C12orf56: variants seen among roughly 807,000 people sequenced by gnomAD.
The protein encoded by C12orf56 is chromosome 12 open reading frame 56, also known as uncharacterized protein C12orf56.
Under a neutral mutation model 69.9 loss-of-function variants are expected in C12orf56, and 71 were observed. That is an observed-to-expected ratio of 1.02 (90% confidence interval 0.84 to 1.24). The LOEUF is 1.24. Among genes scored for constraint, C12orf56 ranks in the 50% most tolerant of loss-of-function variants. The pLI, the probability that C12orf56 is intolerant of heterozygous loss-of-function variation, is 0.00. For missense variants in C12orf56, 732 were observed against 738.5 expected (o/e 0.99, Z 0.10); for synonymous variants, 276 against 274.1 (o/e 1.01, Z -0.07).
At chr12:64,329,661 T>A (rs1490171057) in intron 3 of C12orf56, among the ~76,000 whole-genome samples, 4 of 135,972 alleles carry the variant, frequency 2.9e-5, no homozygotes, top group African/African-American at 1.1e-4. Flanking sequence ...TATCTCCCAA[T>A]GCTATCCCTC....
chr12:64,322,207 C>G (rs1326539163), intron 3 of C12orf56, among the ~76,000 whole-genome samples: 2 of 151,646 alleles, frequency 1.3e-5, no homozygotes, highest in African/African-American at 2.4e-5. Context: ...AATACTAGAT[C>G]TTTTTATACT....
rs1435926472 is a variant in C12orf56 at position 64,301,618 on chromosome 12, T to C, written c.1113+2017A>G. On this transcript the variant is annotated intron_variant, in intron 6 of 12. Transcript: ENST00000543942. ...TCACTTACGTCTTTAGATGAATGCA[T>C]TTACATGTAGACATATAGCTTAGAA... Among the ~76,000 whole-genome samples, 6 of 152,188 alleles carry C rather than the reference T, an allele frequency of 3.9e-5. No homozygotes were observed. In the East Asian group the frequency reaches 5.8e-4, roughly 15 times the overall value.
intron 7 of C12orf56, 68 bp from the exon 8 acceptor site, chr12:64,284,821 G>T (rs1194383913): frequency 2.4e-6 from 3 of 1,270,330 alleles, no homozygotes; most frequent in Non-Finnish European, 3.2e-6. Flanking sequence ...TTCCACAAAA[G>T]TAGTAATTTT....
intron 7 of C12orf56, among the ~76,000 whole-genome samples, 185 bp from the exon 8 acceptor site, chr12:64,284,938 A>G (rs1387581390): frequency 6.6e-6 from 1 of 152,252 alleles, no homozygotes; most frequent in Non-Finnish European, 1.5e-5. Context: ...GCTACACAGT[A>G]AACACTCAAA....
At chr12:64,343,995 C>T (rs985303508) in intron 2 of C12orf56, among the ~76,000 whole-genome samples, 2 of 152,080 alleles carry the variant, frequency 1.3e-5, no homozygotes, top group Non-Finnish European at 2.9e-5. Context: ...CACTGTAACT[C>T]GAAGCTGAGC....
At chr12:64,361,064 C>T (rs1565774645) in intron 1 of C12orf56, among the ~76,000 whole-genome samples, 1 of 151,926 alleles carries the variant, frequency 6.6e-6, no homozygotes, top group Admixed American at 6.6e-5. Flanking sequence ...ACTAAAAATA[C>T]AAAAATGAGC....
At chr12:64,271,309 A>T (rs1285318590) in intron 11 of C12orf56, among the ~76,000 whole-genome samples, 1 of 152,078 alleles carries the variant, frequency 6.6e-6, no homozygotes, top group Non-Finnish European at 1.5e-5. Flanking sequence ...TACTAAAAAT[A>T]CAAAAATTTG....
chr12:64,273,289 C>G (rs1246573239), intron 11 of C12orf56, among the ~76,000 whole-genome samples: 3 of 145,760 alleles, frequency 2.1e-5, no homozygotes, highest in Non-Finnish European at 4.4e-5. Flanking sequence ...CAGAGCAAGA[C>G]TCTGTCTCAA....
chr12:64,354,623 A>G (rs1565771520), intron 1 of C12orf56, among the ~76,000 whole-genome samples: 2 of 151,606 alleles, frequency 1.3e-5, no homozygotes, highest in Admixed American at 6.6e-5. Context: ...ACGCCTGGCT[A>G]ATTTTTTGTA....
intron 1 of C12orf56, among the ~76,000 whole-genome samples, chr12:64,373,940 A>G (rs989467146): frequency 6.6e-6 from 1 of 152,228 alleles, no homozygotes; most frequent in Non-Finnish European, 1.5e-5. Context: ...ACATAAGCTT[A>G]GTCTTAAGTA....
chr12:64,313,840 C>T (rs1346316844), intron 4 of C12orf56, among the ~76,000 whole-genome samples: 1 of 151,170 alleles, frequency 6.6e-6, no homozygotes, highest in Admixed American at 6.6e-5. Flanking sequence ...GTCAGGAGTT[C>T]GAGACAAGCC....
intron 2 of C12orf56, among the ~76,000 whole-genome samples, chr12:64,339,910 C>A (rs886717305): frequency 1.1e-4 from 17 of 151,836 alleles, no homozygotes; most frequent in African/African-American, 4.1e-4. Flanking sequence ...ATATATAGAG[C>A]CCAATGTGTC....
At chr12:64,352,108 T>G (rs1304484588) in intron 2 of C12orf56, among the ~76,000 whole-genome samples, 12 of 114,092 alleles carry the variant, frequency 1.1e-4, no homozygotes, top group East Asian at 2.8e-4. Flanking sequence ...TGTTTTTTTT[T>G]TTTTTTTGTT....
chr12:64,356,472 C>A (rs553268306), intron 1 of C12orf56, among the ~76,000 whole-genome samples: 12 of 152,160 alleles, frequency 7.9e-5, no homozygotes, highest in African/African-American at 2.4e-4. Flanking sequence ...ATTCCTGATG[C>A]AGGTAGCCCC....
chr12:64,350,136 C>T (rs1205306405), intron 2 of C12orf56, among the ~76,000 whole-genome samples: 2 of 148,218 alleles, frequency 1.3e-5, no homozygotes, highest in Non-Finnish European at 3.0e-5. Context: ...ACTTTGGGAA[C>T]TTAGGGGGAA....
chr12:64,363,654 G>T (rs1296995516), intron 1 of C12orf56, among the ~76,000 whole-genome samples: 1 of 152,202 alleles, frequency 6.6e-6, no homozygotes, highest in African/African-American at 2.4e-5. Flanking sequence ...AATAGCCAGA[G>T]TAGTCACGTA....
chr12:64,293,841 T>C (rs1341744911), intron 6 of C12orf56, among the ~76,000 whole-genome samples: 2 of 152,176 alleles, frequency 1.3e-5, no homozygotes, highest in Admixed American at 1.3e-4. Flanking sequence ...AGCACATCGA[T>C]AGTTGCACAA....
chr12:64,274,144 G>A (rs1315503933), intron 11 of C12orf56, among the ~76,000 whole-genome samples: 1 of 151,040 alleles, frequency 6.6e-6, no homozygotes, highest in African/African-American at 2.4e-5. Context: ...CCTGAGGCCT[G>A]AGGGATGAGT....
chr12:64,375,526 G>A (rs1474850129), intron 1 of C12orf56, among the ~76,000 whole-genome samples: 4 of 152,322 alleles, frequency 2.6e-5, no homozygotes, highest in Non-Finnish European at 4.4e-5. Context: ...AGTGTACAGT[G>A]TAGTGGTGGT....
Sources: allele counts gnomAD v4.1 joint callset (sites outside exome capture counted in the v4.1 genomes callset), GRCh38; gene constraint gnomAD v4.1.1; transcripts MANE v1.5; gene names NCBI Gene and HGNC (gene_info 2026-07-23, HGNC 2026-07-21).